The following SWT1 variants were observed in gnomAD, a reference collection of about 807,000 sequenced individuals.
SWT1 encodes transcriptional protein SWT1.
A neutral mutation model predicts 107.3 loss-of-function variants in SWT1; 33 were observed. The observed-to-expected ratio is 0.31, with a 90% CI of 0.23 to 0.41. SWT1 has a LOEUF of 0.41. Ranked by LOEUF, SWT1 falls within the 10% of genes least tolerant of loss-of-function variation. The pLI is 1.00. For missense variants in SWT1, 898 were observed against 1,028.9 expected (o/e 0.87, Z 1.74); for synonymous variants, 345 against 348.3 (o/e 0.99, Z 0.11).
intron 15 of SWT1, among the ~76,000 whole-genome samples, chr1:185,224,099 G>C (rs1478562834): frequency 6.6e-6 from 1 of 152,074 alleles, no homozygotes; most frequent in Non-Finnish European, 1.5e-5. Flanking sequence ...ACATATTCTG[G>C]ATATTAATAC....
At chr1:185,206,509 A>G (rs906057711) in intron 12 of SWT1, 116 bp from the exon 13 acceptor site, 3 of 546,144 alleles carry the variant, frequency 5.5e-6, no homozygotes, top group African/African-American at 1.9e-5. Flanking sequence ...TAATTTAAAA[A>G]GAATCCAACT....
chr1:185,258,237 T>G (rs542079661), intron 16 of SWT1, among the ~76,000 whole-genome samples: 1 of 152,216 alleles, frequency 6.6e-6, no homozygotes, highest in Admixed American at 6.5e-5. Flanking sequence ...ATCCTGAATA[T>G]AGCAAGGATC....
rs1659488237 is a variant in SWT1, at chr1:185,219,678, T to C, written c.2122-2171T>C. Among the ~76,000 whole-genome samples, 3 of 152,262 alleles carry C rather than the reference T, an allele frequency of 2.0e-5. No homozygotes were observed. The South Asian group carries it at 6.2e-4, about 32-fold the overall frequency. Reference sequence around the variant, plus strand: ...CATTCTGTTAGGTACTTTTCCTTTTTTCCTCTGCATGATATATATATTTTT... The same window carrying C: ...CATTCTGTTAGGTACTTTTCCTTTTCTCCTCTGCATGATATATATATTTTT... On this transcript the variant is annotated intron_variant, in intron 14 of 18. Coordinates refer to ENST00000367500, the MANE Select transcript of SWT1 (RefSeq NM_017673.7).
At chr1:185,251,701 A>G (rs1337218650) in intron 16 of SWT1, among the ~76,000 whole-genome samples, 3 of 151,560 alleles carry the variant, frequency 2.0e-5, no homozygotes, top group Non-Finnish European at 4.4e-5. Context: ...TTTTTCATCA[A>G]CCATTTGGAG....
Position 185,166,891 on chromosome 1 carries a change from C to T in SWT1, c.165+239C>T, listed in dbSNP as rs558518102. Among the ~76,000 whole-genome samples, 12 of 152,196 alleles carry T rather than the reference C, an allele frequency of 7.9e-5. 1 individual carries two copies. Among genetic ancestry groups the T allele is most frequent in the Admixed American group, 5.9e-4 (9 of 15,292 alleles). ...TTTAGACAGTTCTTAAGTCCTCTCA[C>T]ATATATATGGTTTTATATATATATA... is the stretch of plus-strand genomic sequence containing the variant. On this transcript the variant is annotated intron_variant, in intron 3 of 18. Transcript: ENST00000367500.
intron 18 of SWT1, among the ~76,000 whole-genome samples, chr1:185,285,725 A>G (rs1448237104): frequency 6.6e-6 from 1 of 152,186 alleles, no homozygotes; most frequent in Non-Finnish European, 1.5e-5. Context: ...ATGTAAGGTA[A>G]GGGGTCCAGC....
At chr1:185,166,676 T>C in intron 3 of SWT1, 24 bp downstream of exon 3, 2 of 1,400,922 alleles carry the variant, frequency 1.4e-6, no homozygotes, top group Non-Finnish European at 2.0e-6. Flanking sequence ...TATAACTAAC[T>C]AAAAGTTATT....
chr1:185,174,318 G>T (rs558863024), intron 4 of SWT1, 54 bp from the exon 5 acceptor site: 2 of 1,394,944 alleles, frequency 1.4e-6, no homozygotes, highest in Non-Finnish European at 1.9e-6. Flanking sequence ...AAATGATAGA[G>T]TGCAACATTA....
At chr1:185,163,638 C>T (rs1031429251) in intron 2 of SWT1, among the ~76,000 whole-genome samples, 4 of 152,198 alleles carry the variant, frequency 2.6e-5, no homozygotes, top group Non-Finnish European at 5.9e-5. Flanking sequence ...TTGTGATCTG[C>T]CTACGTCGGC....
chr1:185,167,899 T>C (rs932831371), intron 3 of SWT1, among the ~76,000 whole-genome samples: 2 of 152,236 alleles, frequency 1.3e-5, no homozygotes, highest in African/African-American at 4.8e-5. Flanking sequence ...ACTTTTTGAC[T>C]CTTCTGCTTT....
chr1:185,197,556 A>G (rs551942435), intron 10 of SWT1, among the ~76,000 whole-genome samples: 3 of 152,174 alleles, frequency 2.0e-5, no homozygotes, highest in South Asian at 4.1e-4. Flanking sequence ...TTGTTCCTCT[A>G]GTAGAATTTG....
At chr1:185,205,014 G>A in intron 12 of SWT1, 151 bp downstream of exon 12, 2 of 523,420 alleles carry the variant, frequency 3.8e-6, no homozygotes, top group Non-Finnish European at 6.6e-6. Flanking sequence ...ATAGTTTTTT[G>A]ACAGTTAAAT....
intron 16 of SWT1, among the ~76,000 whole-genome samples, chr1:185,256,808 G>A (rs953067998): frequency 1.3e-5 from 2 of 152,146 alleles, no homozygotes; most frequent in African/African-American, 4.8e-5. Flanking sequence ...ATCCAGCTTT[G>A]TTCCATTGCT....
At chr1:185,257,505 C>T (rs557524172) in intron 16 of SWT1, among the ~76,000 whole-genome samples, 8 of 152,150 alleles carry the variant, frequency 5.3e-5, no homozygotes, top group African/African-American at 1.7e-4. Context: ...TTAAGCCGGT[C>T]GGAAAAGCGC....
At chr1:185,173,666 G>A (rs1049575352) in intron 4 of SWT1, among the ~76,000 whole-genome samples, 5 of 151,820 alleles carry the variant, frequency 3.3e-5, no homozygotes, top group African/African-American at 4.8e-5. Context: ...CCAAGATCGC[G>A]CCACTGCACT....
At chr1:185,228,082 C>A (rs975668325) in intron 15 of SWT1, among the ~76,000 whole-genome samples, 2 of 150,096 alleles carry the variant, frequency 1.3e-5, no homozygotes, top group African/African-American at 4.9e-5. Flanking sequence ...CAGAGTGAGA[C>A]CCTATCTCAA....
In SWT1 at chr1:185,166,436, C is replaced by G. The variant is rs570393256; in HGVS notation, c.85-136C>G. On this transcript the variant is annotated intron_variant, in intron 2 of 18. Coordinates refer to ENST00000367500, the MANE Select transcript of SWT1 (RefSeq NM_017673.7). ...CTTCCTTTTACCAAAGTTTGTGTAT[C>G]TGTAAACATTGTTCCCCACCGAAGT... 1.0e-3 allele frequency: 588 copies of G among 564,338 alleles called. 7 individuals are homozygous for G. In the South Asian group the frequency reaches 0.016, roughly 15 times the overall value. 35.0% of individuals were successfully genotyped at this position (564,338 alleles called of 1,614,324 possible). A position where few individuals can be genotyped will look rare whatever the true frequency, so the allele number is the denominator to read the frequency against.
chr1:185,228,063 C>T (rs1407729965), intron 15 of SWT1, among the ~76,000 whole-genome samples: 2 of 151,122 alleles, frequency 1.3e-5, no homozygotes, highest in Non-Finnish European at 2.9e-5. Flanking sequence ...TGCACTCCAG[C>T]CTGGGTGACA....
At chr1:185,287,428 T>TG (rs1471484586) in intron 18 of SWT1, among the ~76,000 whole-genome samples, 3 of 152,044 alleles carry the variant, frequency 2.0e-5, no homozygotes, top group Admixed American at 1.3e-4. Flanking sequence ...TAATTCCTCT[T>TG]GGAAAAAAAG....
Sources: allele counts gnomAD v4.1 joint callset (sites outside exome capture counted in the v4.1 genomes callset), GRCh38; gene constraint gnomAD v4.1.1; transcripts MANE v1.5; gene names NCBI Gene and HGNC (gene_info 2026-07-23, HGNC 2026-07-21).